The following INPP4B variants were observed in gnomAD, a reference collection of about 807,000 sequenced individuals.
The protein encoded by INPP4B is inositol polyphosphate-4-phosphatase type II B.
A neutral mutation model predicts 122.5 loss-of-function variants in INPP4B; 55 were observed. That is an observed-to-expected ratio of 0.45 (90% CI 0.36 to 0.56). INPP4B has a LOEUF of 0.56. INPP4B is among the 20% of genes least tolerant of loss of function. The pLI is 0.00. For missense variants in INPP4B, 1,000 were observed against 1,097.7 expected, an observed-to-expected ratio of 0.91 and a Z score of 1.26; for synonymous variants, 403 against 388.7, an observed-to-expected ratio of 1.04 and a Z score of -0.43.
At chr4:142,622,618 G>C (rs936470314) in intron 2 of INPP4B, among the ~76,000 whole-genome samples, 15 of 151,908 alleles carry the variant, frequency 9.9e-5, no homozygotes, top group African/African-American at 3.6e-4. Flanking sequence ...CAAGATGACA[G>C]GCAAGGGGAG....
At position 142,403,057 on chromosome 4, in the gene INPP4B, G is replaced by A. The variant is rs2149161641; in HGVS notation, c.256-3C>T. ...AAAAACAGTGGGTCCCTTGTTCCCT[G>A]TAACAGCACAAGCAGACAACTTTGA... On this transcript the variant is annotated splice_polypyrimidine_tract_variant and splice_region_variant and intron_variant, in intron 6 of 25. Coordinates refer to ENST00000262992, the MANE Select transcript of INPP4B (RefSeq NM_001101669.3). The A allele has an allele frequency of 3.3e-6, 5 of 1,532,874 alleles. No homozygotes were observed. Among genetic ancestry groups the A allele is most frequent in the Non-Finnish European group, 4.5e-6 (5 of 1,106,166 alleles). 95.0% of individuals were successfully genotyped at this position (1,532,874 alleles called of 1,614,324 possible).
At chr4:142,253,560 G>A (rs1733710432) in intron 11 of INPP4B, among the ~76,000 whole-genome samples, 1 of 152,216 alleles carries the variant, frequency 6.6e-6, no homozygotes, top group Non-Finnish European at 1.5e-5. Flanking sequence ...AGGGGTCAGG[G>A]AGTTCCCTTT....
intron 2 of INPP4B, among the ~76,000 whole-genome samples, chr4:142,511,811 G>A (rs1049418596): frequency 4.6e-5 from 7 of 152,034 alleles, no homozygotes; most frequent in African/African-American, 1.7e-4. Context: ...AAGAATATTT[G>A]CATATATTTT....
intron 9 of INPP4B, among the ~76,000 whole-genome samples, chr4:142,304,372 A>G (rs1024731962): frequency 6.6e-6 from 1 of 152,096 alleles, no homozygotes; most frequent in Non-Finnish European, 1.5e-5. Flanking sequence ...CCGACACCAT[A>G]TGTTTAGGAG....
At chr4:142,295,288 A>G (rs900919367) in intron 9 of INPP4B, among the ~76,000 whole-genome samples, 1 of 152,198 alleles carries the variant, frequency 6.6e-6, no homozygotes, top group Non-Finnish European at 1.5e-5. Flanking sequence ...AAATATTACA[A>G]ACTTGTGCAT....
intron 1 of INPP4B, among the ~76,000 whole-genome samples, chr4:142,743,578 C>T (rs1295017278): frequency 6.6e-6 from 1 of 151,852 alleles, no homozygotes; most frequent in South Asian, 2.1e-4. Flanking sequence ...GTTCATGTCA[C>T]CCAGAGTGGA....
chr4:142,839,853 C>T (rs1343436023), intron 1 of INPP4B, among the ~76,000 whole-genome samples: 1 of 152,138 alleles, frequency 6.6e-6, no homozygotes, highest in East Asian at 1.9e-4. Context: ...TTAATTATGC[C>T]AATTTGGGTT....
chr4:142,097,916 C>T (rs576022389), intron 23 of INPP4B, among the ~76,000 whole-genome samples: 12 of 152,230 alleles, frequency 7.9e-5, no homozygotes, highest in Admixed American at 2.6e-4. Flanking sequence ...ATAGAAACAA[C>T]GTGCTAGTCC....
intron 12 of INPP4B, among the ~76,000 whole-genome samples, chr4:142,210,415 T>C (rs1252305547): frequency 6.6e-6 from 1 of 151,820 alleles, no homozygotes; most frequent in Non-Finnish European, 1.5e-5. Flanking sequence ...GAAACACTCA[T>C]GGGAGAAAAA....
rs979177317 is a variant in INPP4B at position 142,533,792 on chromosome 4, A to G, written c.-190-71066T>C. Among the ~76,000 whole-genome samples the G allele has an allele frequency of 2.6e-5, 4 of 152,296 alleles. No individual in the cohort carries two copies. The East Asian group carries it at 7.7e-4, about 29-fold the overall frequency. ...AGGCAATTCATGAACACCCAAATCC[A>G]AAATCCCACATCTGTGTCTTTGAAT... On this transcript the variant is annotated intron_variant, in intron 2 of 25. Transcript: ENST00000262992.
intron 17 of INPP4B, among the ~76,000 whole-genome samples, chr4:142,148,677 C>T (rs547367110): frequency 5.3e-4 from 80 of 152,274 alleles, no homozygotes; most frequent in African/African-American, 1.8e-3. Context: ...TATTGTTCTT[C>T]CTTTCCAAAC....
chr4:142,115,213 T>A (rs1034467420), intron 21 of INPP4B, among the ~76,000 whole-genome samples: 3 of 152,204 alleles, frequency 2.0e-5, no homozygotes, highest in African/African-American at 7.2e-5. Flanking sequence ...ACAGGGACAA[T>A]GGAACCAAGT....
intron 7 of INPP4B, among the ~76,000 whole-genome samples, chr4:142,386,578 T>C (rs1244167859): frequency 6.6e-6 from 1 of 152,206 alleles, no homozygotes. Flanking sequence ...TTCAACCACT[T>C]GAACACTGCT....
At position 142,515,355 on chromosome 4, in the gene INPP4B, G is replaced by A. The variant is rs1339844193; in HGVS notation, c.-190-52629C>T. Among the ~76,000 whole-genome samples, 7 of 152,214 alleles carry A rather than the reference G, an allele frequency of 4.6e-5. No individual in the cohort carries two copies. In the East Asian group the frequency reaches 1.4e-3, roughly 29 times the overall value. On this transcript the variant is annotated intron_variant, in intron 2 of 25. Transcript: ENST00000262992. ...TTGTCAAGTTTCCAATGCAATCATG[G>A]TGGGTCATGAAAACGAAATGCTGAT... is the stretch of plus-strand genomic sequence containing the variant.
chr4:142,030,897 C>A (rs930336701), intron 25 of INPP4B, among the ~76,000 whole-genome samples: 6 of 152,290 alleles, frequency 3.9e-5, no homozygotes, highest in Admixed American at 2.0e-4. Context: ...CAACTCAGCA[C>A]CCTTCTGTTA....
chr4:142,253,278 G>C (rs1218937449), intron 11 of INPP4B, among the ~76,000 whole-genome samples: 1 of 152,156 alleles, frequency 6.6e-6, no homozygotes, highest in Non-Finnish European at 1.5e-5. Flanking sequence ...CCGTAGACTT[G>C]GTAAACAGTG....
chr4:142,170,310 T>G (rs1824972253), intron 16 of INPP4B, among the ~76,000 whole-genome samples: 1 of 151,784 alleles, frequency 6.6e-6, no homozygotes, highest in African/African-American at 2.4e-5. Context: ...ACAAGAATGT[T>G]AAAATTATGA....
intron 1 of INPP4B, among the ~76,000 whole-genome samples, chr4:142,732,641 T>C (rs1026599588): frequency 6.6e-6 from 1 of 152,024 alleles, no homozygotes; most frequent in African/African-American, 2.4e-5. Flanking sequence ...GTTCGTGATA[T>C]CTACACCAAA....
chr4:142,172,097 T>C (rs1340701954), intron 16 of INPP4B, among the ~76,000 whole-genome samples: 1 of 151,956 alleles, frequency 6.6e-6, no homozygotes, highest in Non-Finnish European at 1.5e-5. Flanking sequence ...CAGAAAAACA[T>C]ACTTATTGAA....
Sources: gnomAD v4.1 joint callset for allele counts (sites outside exome capture counted in the v4.1 genomes callset) on GRCh38, gnomAD v4.1.1 for gene constraint, MANE v1.5 for transcripts, NCBI Gene and HGNC (gene_info 2026-07-23, HGNC 2026-07-21) for gene names.